ADSS1: variants seen among roughly 807,000 people sequenced by gnomAD.
The protein encoded by ADSS1 is adenylosuccinate synthetase isozyme 1.
Under a neutral mutation model 59.1 loss-of-function variants are expected in ADSS1, and 57 were observed. That is an observed-to-expected ratio of 0.97 (90% confidence interval 0.78 to 1.20). ADSS1 has a LOEUF of 1.20. ADSS1 is among the 50% of genes most tolerant of loss of function. The probability of loss-of-function intolerance (pLI) is 0.00; values close to 1 mark genes in which losing one functional copy is unlikely to be tolerated. For missense variants in ADSS1, 603 were observed against 610.3 expected, an observed-to-expected ratio of 0.99 and a Z score of 0.13; for synonymous variants, 247 against 249.4, an observed-to-expected ratio of 0.99 and a Z score of 0.09.
At chr14:104,728,637 A>T (rs562791833) in intron 1 of ADSS1, among the ~76,000 whole-genome samples, 1 of 152,348 alleles carries the variant, frequency 6.6e-6, no homozygotes, top group East Asian at 1.9e-4. Flanking sequence ...TGCCGGGCAC[A>T]GTCGTCGTAC....
intron 1 of ADSS1, among the ~76,000 whole-genome samples, chr14:104,730,731 G>T (rs1041061403): frequency 6.6e-6 from 1 of 152,098 alleles, no homozygotes; most frequent in African/African-American, 2.4e-5. Flanking sequence ...CCTGAGTGGG[G>T]CAGTGGAGAT....
rs372820652 is a variant in ADSS1, at chr14:104,742,001, A to G, written c.947A>G (p.Asn316Ser). 3.1e-6 allele frequency: 5 copies of G among 1,612,590 alleles called. No homozygotes were observed. The African/African-American group carries it at 4.0e-5, about 13-fold the overall frequency. Residue 316 changes from asparagine to serine, a missense_variant and splice_region_variant, in exon 9 of 13, where the codon AAC becomes AGC. By Grantham distance (46) the Asn-to-Ser change is conservative. Transcript: ENST00000330877. ...GIGAFPTEQI[N>S]EIGGLLQTRG... The stretch of plus-strand genomic sequence containing the variant: ...GGGGCCTTCCCCACCGAGCAGATCA[A>G]CGTGAGTCCCCAGCCCCTCGGGACC...
rs750244827 is a variant in ADSS1 at position 104,746,336 on chromosome 14, A to T, written c.1272A>T (p.Pro424=). The part of the protein sequence containing the change: ...TGARRWEDLP[P]QAQNYIRFVE... ...CCAGGAGGTGGGAGGACCTGCCCCC[A>T]CAGGCCCAGAACTACATCCGCTTTG... The change falls in exon 12 of 13, where the codon CCA becomes CCT. Residue 424 remains proline (P), a synonymous_variant. Transcript: ENST00000330877. 1.2e-6 allele frequency: 2 copies of T among 1,613,670 alleles called. No homozygotes were observed. The highest frequency in any genetic ancestry group is 2.7e-5 in the African/African-American group (2 of 74,934).
intron 1 of ADSS1, among the ~76,000 whole-genome samples, chr14:104,727,668 C>G (rs1017091467): frequency 6.6e-6 from 1 of 152,182 alleles, no homozygotes; most frequent in Non-Finnish European, 1.5e-5. Context: ...TGCGTGCTGT[C>G]CAGCTCCTAC....
chr14:104,731,250 C>T (rs1309850511), intron 1 of ADSS1, among the ~76,000 whole-genome samples: 6 of 152,210 alleles, frequency 3.9e-5, no homozygotes, highest in African/African-American at 9.7e-5. Context: ...AATCTACTGT[C>T]CCTGACCTGG....
intron 1 of ADSS1, among the ~76,000 whole-genome samples, chr14:104,727,024 C>G (rs1197898967): frequency 6.6e-6 from 1 of 152,232 alleles, no homozygotes; most frequent in Admixed American, 6.5e-5. Context: ...TCGAGCCCAG[C>G]TCTCAAGCCC....
At chr14:104,729,786 G>A in intron 1 of ADSS1, 4 of 358,830 alleles carry the variant, frequency 1.1e-5, no homozygotes, top group Non-Finnish European at 1.8e-5. Context: ...GCGTGGCGTC[G>A]GCGTCGTGGG....
At chr14:104,725,293 C>G (rs1294165195) in intron 1 of ADSS1, among the ~76,000 whole-genome samples, 1 of 152,240 alleles carries the variant, frequency 6.6e-6, no homozygotes, top group East Asian at 1.9e-4. Context: ...CCAGGGCAGC[C>G]AAGTCTGCTG....
chr14:104,736,883 TATATATATATATATATATA>T (rs1328491709), intron 2 of ADSS1, among the ~76,000 whole-genome samples: 1 of 44,146 alleles, frequency 2.3e-5, no homozygotes, highest in African/African-American at 1.3e-4. Flanking sequence ...ACCTAGCTGA[TATATATATATATATATATA>T]TATATATATA....
intron 1 of ADSS1, among the ~76,000 whole-genome samples, chr14:104,725,364 G>A (rs1890689586): frequency 6.6e-6 from 1 of 152,190 alleles, no homozygotes; most frequent in South Asian, 2.1e-4. Context: ...CACGCGTCTG[G>A]GGTTTGGAGC....
At chr14:104,735,334 G>A (rs1891081318) in intron 2 of ADSS1, among the ~76,000 whole-genome samples, 1 of 152,222 alleles carries the variant, frequency 6.6e-6, no homozygotes, top group African/African-American at 2.4e-5. Context: ...GAGGACACAG[G>A]GCTGATGGGA....
chr14:104,734,980 G>T lies in ADSS1; in HGVS notation c.193-40G>T, dbSNP rs775304833. ...TCAGTCCATGTCCGGGGGGTCCTCA[G>T]TACCCAAGTGCCTTCAGCTCAGCCG... On this transcript the variant is annotated intron_variant, in intron 1 of 12. Transcript: ENST00000330877. 23 of 1,586,166 alleles carry T rather than the reference G, an allele frequency of 1.5e-5. No homozygotes were observed. The South Asian group carries it at 2.2e-4, about 15-fold the overall frequency.
In ADSS1 at chr14:104,746,526, C is replaced by A. The variant is rs933793483; in HGVS notation, c.1321+141C>A. 8 of 1,248,092 alleles carry A rather than the reference C, an allele frequency of 6.4e-6. No individual in the cohort carries two copies. In the Admixed American group the frequency reaches 1.9e-4, roughly 29 times the overall value. The allele number at this position is 1,248,092 out of a possible 1,614,324, so 77.3% of individuals were successfully genotyped here. A position where few individuals can be genotyped will look rare whatever the true frequency, so the allele number is the denominator to read the frequency against. ...TATATTGCATGGCAGGAGGGGAGGACGACTCGGAGCTGGGGCAGTGTGGCT... is the reference window on the plus strand; with the variant it reads ...TATATTGCATGGCAGGAGGGGAGGAAGACTCGGAGCTGGGGCAGTGTGGCT... On this transcript the variant is annotated intron_variant, in intron 12 of 12. Coordinates refer to ENST00000330877, the MANE Select transcript of ADSS1 (RefSeq NM_152328.5).
rs76071765 is a variant in ADSS1, at chr14:104,745,073, C to T, written c.1171+164C>T. The T allele has an allele frequency of 9.9e-3, 6,329 of 638,606 alleles. 316 individuals are homozygous for T. The African/African-American group carries it at 0.1, about 10-fold the overall frequency. 39.6% of individuals were successfully genotyped at this position (638,606 alleles called of 1,614,324 possible). A position where few individuals can be genotyped will look rare whatever the true frequency, so the allele number is the denominator to read the frequency against. ...CCTCCATCATGGCTTTTGCCTCTCA[C>T]GGGTTTCTCCCCACAGCGTTCCCCA... On this transcript the variant is annotated intron_variant, in intron 11 of 12. Transcript: ENST00000330877.
Position 104,724,307 on chromosome 14 carries a change from G to C in ADSS1, c.37G>C (p.Gly13Arg). 3 of 1,234,510 alleles carry C rather than the reference G, an allele frequency of 2.4e-6. No homozygotes were observed. Among genetic ancestry groups the C allele is most frequent in the Non-Finnish European group, 3.0e-6 (3 of 986,888 alleles). 76.5% of individuals were successfully genotyped at this position (1,234,510 alleles called of 1,614,324 possible). The stretch of plus-strand genomic sequence containing the variant: ...CCGAGCCTCCAACGACCGGCCCCCC[G>C]GCGCAGGCGGCGTCAAGCGGGGGCG... ...GTRASNDRPP[G>R]AGGVKRGRLQ... The change falls in exon 1 of 13, where the codon GGC (glycine) becomes CGC (arginine). Residue 13 changes from glycine to arginine, a missense_variant. Transcript: ENST00000330877.
Position 104,724,443 on chromosome 14 carries a change from ACAT to A in ADSS1, c.179_181del (p.Ile60del). 1 of 1,256,356 alleles carries A rather than the reference ACAT, an allele frequency of 8.0e-7. No homozygotes were observed. The highest frequency in any genetic ancestry group is 1.0e-6 in the Non-Finnish European group (1 of 995,998). 77.8% of individuals were successfully genotyped at this position (1,256,356 alleles called of 1,614,324 possible). On this transcript the variant is annotated inframe_deletion, in exon 1 of 13. Coordinates refer to ENST00000330877, the MANE Select transcript of ADSS1 (RefSeq NM_152328.5). ...GTGGACCTGCTGGCCACGGACGCCG[ACAT>A]CATCAGCCGCTGCCAGGTGCGGGCT...
At chr14:104,739,442 G>GCTC in intron 4 of ADSS1, 64 bp downstream of exon 4, 1 of 1,540,974 alleles carries the variant, frequency 6.5e-7, no homozygotes, top group Non-Finnish European at 8.8e-7. Flanking sequence ...AGCCGGCCCT[G>GCTC]CTCCTACATG....
chr14:104,740,554 C>T lies in ADSS1; in HGVS notation c.477-47C>T, dbSNP rs1891305764. Reference sequence around the variant, plus strand: ...ATGGCCTCAGTGGGATGCCTGAGCTCCTCAGGGCTCCTGGGTTCTCATGGG... The same window carrying T: ...ATGGCCTCAGTGGGATGCCTGAGCTTCTCAGGGCTCCTGGGTTCTCATGGG... On this transcript the variant is annotated intron_variant, in intron 5 of 12. Coordinates refer to ENST00000330877, the MANE Select transcript of ADSS1 (RefSeq NM_152328.5). The surrounding 1 kb of genome is among the most constrained non-coding windows in gnomAD (Gnocchi z 4.8). 6.3e-7 allele frequency: 1 copy of T among 1,580,104 alleles called. No homozygotes were observed. Among genetic ancestry groups the T allele is most frequent in the Non-Finnish European group, 8.7e-7 (1 of 1,154,398 alleles).
At chr14:104,738,087 C>A in intron 2 of ADSS1, 2 of 290,396 alleles carry the variant, frequency 6.9e-6, no homozygotes, top group South Asian at 3.5e-5. Flanking sequence ...ACCTCCGCCT[C>A]CCAGGTTCAA....
Sources: allele counts gnomAD v4.1 joint callset (sites outside exome capture counted in the v4.1 genomes callset), GRCh38; gene constraint gnomAD v4.1.1; non-coding constraint Gnocchi (gnomAD v3.1); transcripts MANE v1.5; gene names NCBI Gene and HGNC (gene_info 2026-07-23, HGNC 2026-07-21).